The following CHST11 variants were observed in gnomAD, a reference collection of about 807,000 sequenced individuals.
The protein encoded by CHST11 is carbohydrate sulfotransferase 11, also known as C4S-1.
CHST11 carries 9 observed loss-of-function variants against 30.4 expected under a neutral mutation model. The ratio of observed to expected loss-of-function variants is 0.30; its 90% CI spans 0.18 to 0.52. CHST11 has a LOEUF of 0.52. Among genes scored for constraint, CHST11 ranks in the 20% least tolerant of loss-of-function variants. The probability of loss-of-function intolerance (pLI) is 0.97; values close to 1 mark genes in which losing one functional copy is unlikely to be tolerated. For missense variants in CHST11, 348 were observed against 460.6 expected, an observed-to-expected ratio of 0.76 and a Z score of 2.24; for synonymous variants, 152 against 187.8, an observed-to-expected ratio of 0.81 and a Z score of 1.56.
At chr12:104,507,532 G>A (rs2037918455) in intron 1 of CHST11, among the ~76,000 whole-genome samples, 1 of 152,198 alleles carries the variant, frequency 6.6e-6, no homozygotes. Context: ...GGTAATGGTG[G>A]CAATAGTACT....
chr12:104,722,327 C>T (rs1427392336), intron 2 of CHST11, among the ~76,000 whole-genome samples: 7 of 152,100 alleles, frequency 4.6e-5, no homozygotes, highest in African/African-American at 1.7e-4. Flanking sequence ...TTAACTTCAT[C>T]AGAGGTAAAA....
intron 2 of CHST11, among the ~76,000 whole-genome samples, chr12:104,635,956 T>C (rs2039319199): frequency 6.6e-6 from 1 of 152,248 alleles, no homozygotes; most frequent in Non-Finnish European, 1.5e-5. Context: ...GTAGTTTTCA[T>C]TCCGGACAGG....
intron 2 of CHST11, among the ~76,000 whole-genome samples, chr12:104,708,234 A>G (rs978493104): frequency 3.9e-5 from 6 of 152,252 alleles, no homozygotes; most frequent in Non-Finnish European, 1.5e-5. Context: ...AAATCTCCAC[A>G]GAGTGACTGA....
chr12:104,598,710 C>A (rs1405236743), intron 1 of CHST11, among the ~76,000 whole-genome samples: 1 of 152,186 alleles, frequency 6.6e-6, no homozygotes, highest in Non-Finnish European at 1.5e-5. Context: ...ATTTGGGGAA[C>A]TTTATCTTTT....
At chr12:104,476,658 C>T (rs1372429084) in intron 1 of CHST11, among the ~76,000 whole-genome samples, 1 of 151,860 alleles carries the variant, frequency 6.6e-6, no homozygotes, top group African/African-American at 2.4e-5. Context: ...GGTTATAAAC[C>T]TTTGAAGGCT....
At chr12:104,599,567 T>A (rs965140214) in intron 1 of CHST11, among the ~76,000 whole-genome samples, 22 of 152,332 alleles carry the variant, frequency 1.4e-4, no homozygotes, top group African/African-American at 4.8e-4. Context: ...AGTCATAAAT[T>A]AAAGAAAAAC....
In CHST11 at chr12:104,675,386, A is replaced by T. The variant is rs528818182; in HGVS notation, c.204+73395A>T. 7.9e-5 allele frequency among the ~76,000 whole-genome samples: 12 copies of T among 152,296 alleles called. No homozygotes were observed. In the South Asian group the frequency reaches 2.5e-3, roughly 32 times the overall value. The stretch of plus-strand genomic sequence containing the variant: ...AATGGTATGGAATTGCTTCAACCGT[A>T]GATTTGCCTTTTTCCCCCTGGGTGA... On this transcript the variant is annotated intron_variant, in intron 2 of 2. Transcript: ENST00000303694.
intron 2 of CHST11, among the ~76,000 whole-genome samples, chr12:104,608,836 T>A (rs2039031492): frequency 6.6e-6 from 1 of 152,206 alleles, no homozygotes; most frequent in South Asian, 2.1e-4. Flanking sequence ...GTGGGTTCGA[T>A]GCCTATAGTG....
At chr12:104,551,283 T>C (rs2038402000) in intron 1 of CHST11, among the ~76,000 whole-genome samples, 1 of 151,902 alleles carries the variant, frequency 6.6e-6, no homozygotes, top group South Asian at 2.1e-4. Flanking sequence ...CAGAAGGAGG[T>C]GTGGGGTCAA....
chr12:104,613,857 A>C (rs2039083177), intron 2 of CHST11, among the ~76,000 whole-genome samples: 3 of 152,226 alleles, frequency 2.0e-5, no homozygotes, highest in Non-Finnish European at 4.4e-5. Context: ...AAAAGGTTGA[A>C]CTGGTAGAAG....
chr12:104,703,878 C>T (rs565071200), intron 2 of CHST11, among the ~76,000 whole-genome samples: 1 of 152,382 alleles, frequency 6.6e-6, no homozygotes, highest in South Asian at 2.1e-4. Context: ...AATCACTTAT[C>T]ATCGACGCCT....
chr12:104,498,824 T>G (rs1484575277), intron 1 of CHST11, among the ~76,000 whole-genome samples: 1 of 152,270 alleles, frequency 6.6e-6, no homozygotes, highest in African/African-American at 2.4e-5. Flanking sequence ...ACATTAAGGG[T>G]TTCTTTTATG....
chr12:104,546,086 C>G (rs2038345565), intron 1 of CHST11, among the ~76,000 whole-genome samples: 1 of 152,170 alleles, frequency 6.6e-6, no homozygotes, highest in Non-Finnish European at 1.5e-5. Context: ...CGCATTCAGT[C>G]CATAACAGAT....
At chr12:104,685,095 A>G (rs531826822) in intron 2 of CHST11, among the ~76,000 whole-genome samples, 11 of 152,332 alleles carry the variant, frequency 7.2e-5, no homozygotes, top group African/African-American at 2.6e-4. Flanking sequence ...GAGGTTGCCA[A>G]GATTTTATGG....
intron 2 of CHST11, among the ~76,000 whole-genome samples, chr12:104,670,637 GCA>G (rs1226511581): frequency 1.4e-5 from 2 of 144,322 alleles, no homozygotes; most frequent in Non-Finnish European, 3.0e-5. Flanking sequence ...TCACACTCAT[GCA>G]CACTCTCCCA....
chr12:104,548,662 T>A (rs1343329630), intron 1 of CHST11, among the ~76,000 whole-genome samples: 1 of 152,224 alleles, frequency 6.6e-6, no homozygotes, highest in Non-Finnish European at 1.5e-5. Flanking sequence ...CTGGGTTGCA[T>A]GCCCTTTCCT....
intron 2 of CHST11, among the ~76,000 whole-genome samples, chr12:104,655,676 G>A (rs966851973): frequency 2.6e-5 from 4 of 152,144 alleles, no homozygotes; most frequent in Non-Finnish European, 5.9e-5. Flanking sequence ...TAAGAGATGT[G>A]GGTAAAGAAG....
At chr12:104,541,853 C>T (rs2038290593) in intron 1 of CHST11, among the ~76,000 whole-genome samples, 1 of 152,148 alleles carries the variant, frequency 6.6e-6, no homozygotes, top group African/African-American at 2.4e-5. Flanking sequence ...TGCTTGAACC[C>T]AGGAGGCGGA....
intron 1 of CHST11, among the ~76,000 whole-genome samples, chr12:104,504,473 G>A (rs2037883521): frequency 6.6e-6 from 1 of 152,244 alleles, no homozygotes. Context: ...CTAGATGGCT[G>A]CCCTGGGAGT....
Sources: allele counts gnomAD v4.1 joint callset (sites outside exome capture counted in the v4.1 genomes callset), GRCh38; gene constraint gnomAD v4.1.1; transcripts MANE v1.5; gene names NCBI Gene and HGNC (gene_info 2026-07-23, HGNC 2026-07-21).